ANKRD7: variants seen among roughly 807,000 people sequenced by gnomAD.
ANKRD7 encodes ankyrin repeat domain-containing protein 7.
A neutral mutation model predicts 30.8 loss-of-function variants in ANKRD7; 30 were observed. That is an observed-to-expected ratio of 0.97 (90% CI 0.73 to 1.32). The LOEUF is 1.32. Among genes scored for constraint, ANKRD7 ranks in the 40% most tolerant of loss-of-function variants. The pLI, the probability that ANKRD7 is intolerant of heterozygous loss-of-function variation, is 0.00. For synonymous variants in ANKRD7, 97 were observed against 106.6 expected (o/e 0.91, Z 0.55); for missense variants, 264 against 295.7 (o/e 0.89, Z 0.79).
At chr7:118,235,379 G>A (rs1021051867) in intron 3 of ANKRD7, among the ~76,000 whole-genome samples, 2 of 152,064 alleles carry the variant, frequency 1.3e-5, no homozygotes, top group Non-Finnish European at 1.5e-5. Flanking sequence ...TTGGGAGGCC[G>A]AGGTGGGTGG....
At chr7:118,229,756 A>G (rs928149216) in intron 1 of ANKRD7, among the ~76,000 whole-genome samples, 7 of 152,130 alleles carry the variant, frequency 4.6e-5, no homozygotes, top group African/African-American at 1.4e-4. Flanking sequence ...CAATATTCCT[A>G]TGAACATAGA....
At chr7:118,229,892 A>C (rs1028339941) in intron 1 of ANKRD7, among the ~76,000 whole-genome samples, 1 of 152,170 alleles carries the variant, frequency 6.6e-6, no homozygotes, top group Non-Finnish European at 1.5e-5. Flanking sequence ...AAATCAATAA[A>C]TGTGATTCAC....
chr7:118,234,476 A>G lies in ANKRD7; in HGVS notation c.225A>G (p.Val75=), dbSNP rs776799322. The G allele has an allele frequency of 3.7e-6, 6 of 1,613,188 alleles. No individual in the cohort carries two copies. Among genetic ancestry groups the G allele is most frequent in the South Asian group, 1.1e-5 (1 of 90,874 alleles). ...LACANGHTDV[V]LFLIEQQCKI... ...GTGCTAATGGACATACAGATGTTGT[A>G]CTTTTCCTAATTGAGCAACAATGCA... Residue 75 remains valine (V), a synonymous_variant, in exon 2 of 7, where the codon GTA becomes GTG. Transcript: ENST00000265224.
intron 1 of ANKRD7, among the ~76,000 whole-genome samples, chr7:118,232,447 G>A (rs926226075): frequency 6.6e-6 from 1 of 151,872 alleles, no homozygotes; most frequent in African/African-American, 2.4e-5. Context: ...ATTAGTTCTT[G>A]TTTTCAGATT....
At chr7:118,241,966 T>G (rs964921917) in intron 6 of ANKRD7, among the ~76,000 whole-genome samples, 10 of 152,196 alleles carry the variant, frequency 6.6e-5, no homozygotes, top group Non-Finnish European at 1.0e-4. Context: ...TTAAGGGAAC[T>G]AAAGCAGTAG....
intron 1 of ANKRD7, among the ~76,000 whole-genome samples, chr7:118,228,855 C>G (rs1311049630): frequency 1.3e-5 from 2 of 152,174 alleles, no homozygotes; most frequent in African/African-American, 4.8e-5. Flanking sequence ...ACAGTGGCCA[C>G]TTAACTACAC....
intron 5 of ANKRD7, 26 bp from the exon 6 acceptor site, chr7:118,239,883 G>T: frequency 6.8e-7 from 1 of 1,468,194 alleles, no homozygotes; most frequent in Non-Finnish European, 9.4e-7. Flanking sequence ...ATGCATGCTG[G>T]CATTCACACG....
intron 5 of ANKRD7, 130 bp from the exon 6 acceptor site, chr7:118,239,779 G>C (rs1255840200): frequency 4.7e-6 from 2 of 425,068 alleles, no homozygotes; most frequent in African/African-American, 4.1e-5. Flanking sequence ...GGCTCAAGAG[G>C]AAGCTTGTCC....
At chr7:118,236,210 A>C in intron 4 of ANKRD7, 63 bp downstream of exon 4, 2 of 604,950 alleles carry the variant, frequency 3.3e-6, no homozygotes, top group Admixed American at 2.7e-5. Context: ...GTGTGTGCGT[A>C]TGTGTGTGTG....
At chr7:118,227,788 T>G (rs1015054978) in intron 1 of ANKRD7, 5 of 957,406 alleles carry the variant, frequency 5.2e-6, no homozygotes, top group Non-Finnish European at 6.9e-6. Context: ...CCTTAAAATA[T>G]TTTTGGGAGT....
At chr7:118,242,141 A>G (rs1336013676) in intron 6 of ANKRD7, among the ~76,000 whole-genome samples, 1 of 152,254 alleles carries the variant, frequency 6.6e-6, no homozygotes, top group Non-Finnish European at 1.5e-5. Context: ...GAAAATTACC[A>G]AAAGATGTTG....
intron 5 of ANKRD7, among the ~76,000 whole-genome samples, chr7:118,238,016 G>A (rs1809761430): frequency 6.6e-6 from 1 of 152,026 alleles, no homozygotes; most frequent in Admixed American, 6.5e-5. Context: ...GAAGACACAT[G>A]TATCTGTTTA....
At chr7:118,241,139 C>G (rs959378680) in intron 6 of ANKRD7, among the ~76,000 whole-genome samples, 1 of 116,110 alleles carries the variant, frequency 8.6e-6, no homozygotes, top group Non-Finnish European at 1.6e-5. Context: ...CCGGCCTGGG[C>G]GACAGAGCGA....
chr7:118,233,813 T>C (rs1341244723), intron 1 of ANKRD7, among the ~76,000 whole-genome samples: 1 of 152,120 alleles, frequency 6.6e-6, no homozygotes, highest in Non-Finnish European at 1.5e-5. Context: ...AAAATTTAAA[T>C]GGATCTAATT....
chr7:118,231,673 C>A (rs1047361280), intron 1 of ANKRD7, among the ~76,000 whole-genome samples: 2 of 152,098 alleles, frequency 1.3e-5, no homozygotes, highest in South Asian at 4.1e-4. Context: ...TCAAAGTAAT[C>A]TTTCAGCCTT....
At chr7:118,241,557 T>TG (rs1809846940) in intron 6 of ANKRD7, among the ~76,000 whole-genome samples, 1 of 140,008 alleles carries the variant, frequency 7.1e-6, no homozygotes, top group Non-Finnish European at 1.5e-5. Flanking sequence ...TTTCTGTTTT[T>TG]GAGGTGGAGT....
Position 118,236,094 on chromosome 7 carries a change from A to G in ANKRD7, c.522A>G (p.Val174=). The change falls in exon 4 of 7, where the codon GTA becomes GTG. Residue 174 remains valine (V), a synonymous_variant. Coordinates refer to ENST00000265224, the MANE Select transcript of ANKRD7 (RefSeq NM_019644.4). ...VAVINNNPKM[V]KFLLEKGADV... is the part of the protein sequence containing the mutation. ...TTATTAACAATAATCCAAAAATGGT[A>G]AAATTTCTTCTGGAGAAAGGGGCTG... 6.2e-7 allele frequency: 1 copy of G among 1,608,700 alleles called. No individual in the cohort carries two copies.
intron 1 of ANKRD7, among the ~76,000 whole-genome samples, chr7:118,231,619 G>C (rs143180101): frequency 1.1e-3 from 169 of 152,206 alleles, no homozygotes; most frequent in Non-Finnish European, 2.2e-3. Flanking sequence ...GCTATGCCCT[G>C]GCCCTGTACT....
intron 1 of ANKRD7, chr7:118,227,839 A>T (rs1809570457): frequency 1.1e-5 from 14 of 1,280,982 alleles, no homozygotes; most frequent in Non-Finnish European, 1.3e-5. Flanking sequence ...CTTTCATCAC[A>T]GGTGGGTAAG....
Sources: gnomAD v4.1 joint callset for allele counts (sites outside exome capture counted in the v4.1 genomes callset) on GRCh38, gnomAD v4.1.1 for gene constraint, MANE v1.5 for transcripts, NCBI Gene and HGNC (gene_info 2026-07-23, HGNC 2026-07-21) for gene names.